TGFBRAP1: variants seen among roughly 807,000 people sequenced by gnomAD.
TGFBRAP1 encodes the protein transforming growth factor-beta receptor-associated protein 1.
Under a neutral mutation model 83.2 loss-of-function variants are expected in TGFBRAP1, and 20 were observed. The ratio of observed to expected loss-of-function variants is 0.24; its 90% CI spans 0.17 to 0.35. The LOEUF is 0.35. Among genes scored for constraint, TGFBRAP1 ranks in the 10% least tolerant of loss-of-function variants. The probability of loss-of-function intolerance (pLI) is 1.00; values close to 1 mark genes in which losing one functional copy is unlikely to be tolerated. For synonymous variants in TGFBRAP1, 415 were observed against 459.8 expected, an observed-to-expected ratio of 0.90 and a Z score of 1.25; for missense variants, 950 against 1,099.4, an observed-to-expected ratio of 0.86 and a Z score of 1.92.
intron 2 of TGFBRAP1, among the ~76,000 whole-genome samples, chr2:105,300,615 T>A (rs1678254900): frequency 6.6e-6 from 1 of 151,988 alleles, no homozygotes; most frequent in South Asian, 2.1e-4. Flanking sequence ...TTTTGTATTG[T>A]TAGTAGAGAC....
chr2:105,310,852 A>C (rs967967173), intron 1 of TGFBRAP1, among the ~76,000 whole-genome samples: 1 of 152,210 alleles, frequency 6.6e-6, no homozygotes, highest in Admixed American at 6.5e-5. Flanking sequence ...TTGATTAATC[A>C]ATCAGGGTTG....
chr2:105,307,996 G>A lies in TGFBRAP1; in HGVS notation c.306C>T (p.Val102=), dbSNP rs774096145. 14 of 1,614,136 alleles carry A rather than the reference G, an allele frequency of 8.7e-6. No individual in the cohort carries two copies. The highest frequency in any genetic ancestry group is 8.3e-5 in the Admixed American group (5 of 60,014). The change falls in exon 2 of 12, where the codon GTC becomes GTT. Residue 102 remains valine (V), a synonymous_variant. Transcript: ENST00000393359. ...GCACTGGCTCGAGGTTCAGCATGTT[G>A]ACCAGGCTGATGGAGTTGTCACACA... ...LVLCDNSISL[V]NMLNLEPVPS... is the part of the protein sequence containing the mutation.
intron 5 of TGFBRAP1, among the ~76,000 whole-genome samples, chr2:105,282,301 GGTCTAAAGGAAGAGA>G (rs1677566030): frequency 6.6e-6 from 1 of 152,184 alleles, no homozygotes; most frequent in African/African-American, 2.4e-5. Context: ...GGGTGCAGGT[GGTCTAAAGGAAGAGA>G]CACAGAGCCC....
chr2:105,286,893 C>T (rs1438645434), intron 4 of TGFBRAP1, among the ~76,000 whole-genome samples: 6 of 152,196 alleles, frequency 3.9e-5, no homozygotes, highest in African/African-American at 1.4e-4. Context: ...AAACATAACA[C>T]AAGCGCTTCT....
chr2:105,264,524 A>G lies in TGFBRAP1; in HGVS notation c.*2859T>C, dbSNP rs1378234025. 12 of 152,390 alleles carry G rather than the reference A, an allele frequency of 7.9e-5. No homozygotes were observed. In the East Asian group the frequency reaches 2.1e-3, roughly 27 times the overall value. The allele number at this position is 152,390 out of a possible 1,614,324, so 9.4% of individuals were successfully genotyped here. ...GTACATTTTGTGTATCTGGGACCCA[A>G]TCGGGACAAAGGATAAAGTTGCAAG... On this transcript the variant is annotated 3_prime_UTR_variant, in exon 12 of 12. Coordinates refer to ENST00000393359, the MANE Select transcript of TGFBRAP1 (RefSeq NM_004257.6).
At chr2:105,273,992 C>T (rs1677249003) in intron 8 of TGFBRAP1, among the ~76,000 whole-genome samples, 1 of 152,172 alleles carries the variant, frequency 6.6e-6, no homozygotes, top group Admixed American at 6.5e-5. Context: ...AAATTGGAAA[C>T]TGAAGAACAA....
the TGFBRAP1 span, among the ~76,000 whole-genome samples, chr2:105,254,306 G>T: frequency 6.6e-6 from 1 of 152,108 alleles, no homozygotes; most frequent in African/African-American, 2.4e-5. Context: ...CTTCTCATCA[G>T]CCACCCCTGG....
intron 3 of TGFBRAP1, among the ~76,000 whole-genome samples, chr2:105,297,986 C>T (rs2679889): frequency 0.28 from 42,335 of 152,112 alleles, 6,151 homozygotes; most frequent in South Asian, 0.34. Context: ...ACCATACACA[C>T]GAAATGAAGT....
At chr2:105,301,784 G>A (rs1678303682) in intron 2 of TGFBRAP1, among the ~76,000 whole-genome samples, 1 of 152,068 alleles carries the variant, frequency 6.6e-6, no homozygotes, top group Non-Finnish European at 1.5e-5. Flanking sequence ...CTGGAGTGTA[G>A]TGCCTAGTCA....
chr2:105,274,079 C>T (rs979526106), intron 8 of TGFBRAP1, among the ~76,000 whole-genome samples: 11 of 152,190 alleles, frequency 7.2e-5, no homozygotes, highest in Non-Finnish European at 1.5e-4. Context: ...TAGCCAGTTG[C>T]AGAACAGTAT....
At chr2:105,303,494 G>T (rs1461636585) in intron 2 of TGFBRAP1, among the ~76,000 whole-genome samples, 2 of 152,154 alleles carry the variant, frequency 1.3e-5, no homozygotes, top group East Asian at 3.8e-4. Context: ...CATGAAAAAG[G>T]GACTGACAAG....
intron 10 of TGFBRAP1, among the ~76,000 whole-genome samples, chr2:105,270,846 A>C (rs1003863452): frequency 2.0e-5 from 3 of 152,232 alleles, no homozygotes; most frequent in Admixed American, 2.0e-4. Context: ...GGTGATTTAC[A>C]CTTCCACATC....
At chr2:105,317,764 G>A (rs116707493) in intron 1 of TGFBRAP1, among the ~76,000 whole-genome samples, 1 of 152,096 alleles carries the variant, frequency 6.6e-6, no homozygotes, top group East Asian at 1.9e-4. Flanking sequence ...AGAAACATCT[G>A]GATGATGTGG....
intron 4 of TGFBRAP1, among the ~76,000 whole-genome samples, chr2:105,293,523 C>T (rs1677983529): frequency 6.6e-6 from 1 of 152,170 alleles, no homozygotes; most frequent in South Asian, 2.1e-4. Flanking sequence ...GTGAAGAAGT[C>T]TACTGAGCTC....
At chr2:105,308,375 G>C in intron 1 of TGFBRAP1, 57 bp from the exon 2 acceptor site, 1 of 1,447,234 alleles carries the variant, frequency 6.9e-7, no homozygotes, top group Non-Finnish European at 9.2e-7. Flanking sequence ...CAGAAACAGA[G>C]GCTGCAATAA....
intron 1 of TGFBRAP1, among the ~76,000 whole-genome samples, chr2:105,324,001 AC>A (rs1347018895): frequency 6.6e-6 from 1 of 152,136 alleles, no homozygotes; most frequent in African/African-American, 2.4e-5. Flanking sequence ...TGTTAAGGTC[AC>A]GAAAAAAGAG....
At chr2:105,275,501 G>A in intron 8 of TGFBRAP1, 59 bp downstream of exon 8, 2 of 1,588,640 alleles carry the variant, frequency 1.3e-6, no homozygotes, top group Non-Finnish European at 1.7e-6. Flanking sequence ...CAAAGCTTTT[G>A]GGGTCTGTTT....
At chr2:105,280,839 C>T in intron 5 of TGFBRAP1, 116 bp from the exon 6 acceptor site, 1 of 1,153,458 alleles carries the variant, frequency 8.7e-7, no homozygotes, top group South Asian at 1.6e-5. Flanking sequence ...GGCTGGGGAG[C>T]TGGGGACAGG....
chr2:105,293,000 T>TAAA (rs1323371120), intron 4 of TGFBRAP1, among the ~76,000 whole-genome samples: 1 of 143,904 alleles, frequency 6.9e-6, no homozygotes, highest in Non-Finnish European at 1.5e-5. Flanking sequence ...CCCTAAGGAT[T>TAAA]AAAAAAAAAA....
Sources: gnomAD v4.1 joint callset for allele counts (sites outside exome capture counted in the v4.1 genomes callset) on GRCh38, gnomAD v4.1.1 for gene constraint, MANE v1.5 for transcripts, NCBI Gene and HGNC (gene_info 2026-07-23, HGNC 2026-07-21) for gene names.